THADA: variants seen among roughly 807,000 people sequenced by gnomAD.
THADA encodes THADA armadillo repeat containing.
In THADA, 213 loss-of-function variants were observed where a neutral mutation model predicts 219.8. That is an observed-to-expected ratio of 0.97 (90% confidence interval 0.87 to 1.09). THADA has a LOEUF of 1.09. Ranked by LOEUF, THADA falls within the 50% of genes least tolerant of loss-of-function variation. THADA has a pLI of 0.00. For missense variants in THADA, 2,956 were observed against 2,311.3 expected (o/e 1.28, Z -5.72); for synonymous variants, 1,018 against 828.9 (o/e 1.23, Z -3.92).
chr2:43,333,023 C>T (rs1306032235), intron 30 of THADA: 2 of 152,164 alleles, frequency 1.3e-5, no homozygotes, highest in Admixed American at 1.3e-4. Flanking sequence ...AGACTCGTTT[C>T]CATAAGCTCA....
intron 26 of THADA, among the ~76,000 whole-genome samples, chr2:43,435,513 T>C (rs1166531427): frequency 6.6e-6 from 1 of 151,550 alleles, no homozygotes; most frequent in Non-Finnish European, 1.5e-5. Flanking sequence ...CTGAGCAAGG[T>C]GGCTCATGCC....
chr2:43,240,669 A>C (rs1261269611), intron 36 of THADA, among the ~76,000 whole-genome samples: 1 of 152,104 alleles, frequency 6.6e-6, no homozygotes, highest in East Asian at 1.9e-4. Flanking sequence ...TTTACCACCA[A>C]TTAAAAGCTC....
chr2:43,513,104 C>G (rs1558884692), intron 22 of THADA, among the ~76,000 whole-genome samples: 1 of 152,202 alleles, frequency 6.6e-6, no homozygotes, highest in Non-Finnish European at 1.5e-5. Flanking sequence ...TCCATTTTCT[C>G]ACTTTGCTCT....
At chr2:43,436,977 A>G (rs917583488) in intron 26 of THADA, among the ~76,000 whole-genome samples, 1 of 152,202 alleles carries the variant, frequency 6.6e-6, no homozygotes, top group Admixed American at 6.5e-5. Context: ...TATAGCTCTC[A>G]GATGTCTACG....
chr2:43,270,239 G>A (rs1671970994), intron 36 of THADA, among the ~76,000 whole-genome samples: 1 of 152,040 alleles, frequency 6.6e-6, no homozygotes, highest in Admixed American at 6.5e-5. Flanking sequence ...CCTTTCTTGG[G>A]CTTCAGTTTC....
chr2:43,366,879 G>A (rs1460416993), intron 29 of THADA, among the ~76,000 whole-genome samples: 1 of 152,194 alleles, frequency 6.6e-6, no homozygotes, highest in African/African-American at 2.4e-5. Flanking sequence ...GTACAGCCAT[G>A]TTCAATGTAC....
intron 11 of THADA, 99 bp downstream of exon 11, chr2:43,574,237 A>G (rs1290850565): frequency 1.2e-6 from 1 of 819,654 alleles, no homozygotes; most frequent in East Asian, 2.7e-5. Context: ...CTATTTATAG[A>G]AGTGATATTT....
chr2:43,296,613 G>A (rs1675421031), intron 31 of THADA, among the ~76,000 whole-genome samples: 1 of 152,078 alleles, frequency 6.6e-6, no homozygotes, highest in South Asian at 2.1e-4. Flanking sequence ...GAAACCCTGG[G>A]CAGCTGGGAT....
intron 31 of THADA, among the ~76,000 whole-genome samples, chr2:43,316,048 C>T (rs1678042828): frequency 6.6e-6 from 1 of 152,146 alleles, no homozygotes; most frequent in Non-Finnish European, 1.5e-5. Context: ...TTGCCATGTC[C>T]CTAGTGCTCT....
chr2:43,514,942 TTA>T (rs1258682610), intron 22 of THADA, among the ~76,000 whole-genome samples: 1 of 77,832 alleles, frequency 1.3e-5, no homozygotes, highest in Non-Finnish European at 2.2e-5. Context: ...TACGTATATT[TTA>T]TATATAATAT....
chr2:43,496,743 C>T (rs1244925654), intron 25 of THADA, among the ~76,000 whole-genome samples: 1 of 151,752 alleles, frequency 6.6e-6, no homozygotes. Flanking sequence ...TAAAATGGTG[C>T]TGCTGCTGGG....
intron 7 of THADA, 26 bp from the exon 8 acceptor site, chr2:43,581,954 C>T: frequency 6.8e-7 from 1 of 1,477,716 alleles, no homozygotes; most frequent in Non-Finnish European, 9.0e-7. Flanking sequence ...GACATTATTA[C>T]AAAAGGAAAT....
At chr2:43,372,178 T>G (rs1322884093) in intron 29 of THADA, 8 of 152,142 alleles carry the variant, frequency 5.3e-5, no homozygotes, top group Non-Finnish European at 8.8e-5. Flanking sequence ...TACAACAAAC[T>G]AACTGGGAAA....
intron 28 of THADA, among the ~76,000 whole-genome samples, chr2:43,405,540 C>T (rs769610755): frequency 4.6e-5 from 7 of 152,180 alleles, no homozygotes; most frequent in Non-Finnish European, 8.8e-5. Flanking sequence ...CACCACCACC[C>T]GAACTAGTTG....
At chr2:43,567,562 G>A (rs1318270573) in intron 14 of THADA, among the ~76,000 whole-genome samples, 1 of 152,222 alleles carries the variant, frequency 6.6e-6, no homozygotes, top group Non-Finnish European at 1.5e-5. Flanking sequence ...AGGAGGCAGA[G>A]GTTGCAGTGA....
At position 43,293,271 on chromosome 2, in the gene THADA, G is replaced by T; in HGVS notation, c.4439-58C>A. 4 of 1,533,658 alleles carry T rather than the reference G, an allele frequency of 2.6e-6. No homozygotes were observed. The East Asian group carries it at 6.8e-5, about 26-fold the overall frequency. On this transcript the variant is annotated intron_variant, in intron 31 of 37. Coordinates refer to ENST00000405975, the MANE Select transcript of THADA (RefSeq NM_022065.5). ...TAATCACTTTAAATTTCCACAAAAG[G>T]ACATGAAAGAATGAAGACTGAATCC...
At chr2:43,386,286 C>T (rs1672672291) in intron 29 of THADA, among the ~76,000 whole-genome samples, 1 of 151,692 alleles carries the variant, frequency 6.6e-6, no homozygotes, top group Admixed American at 6.6e-5. Context: ...ATGCTATTGA[C>T]AGTAACAAGA....
chr2:43,545,167 G>A (rs1695858725), intron 20 of THADA, among the ~76,000 whole-genome samples: 1 of 151,866 alleles, frequency 6.6e-6, no homozygotes, highest in Non-Finnish European at 1.5e-5. Flanking sequence ...TTTATATCCT[G>A]GATTACATTT....
At chr2:43,311,450 AT>A (rs541101428) in intron 31 of THADA, among the ~76,000 whole-genome samples, 100 of 152,338 alleles carry the variant, frequency 6.6e-4, no homozygotes, top group Non-Finnish European at 1.3e-3. Flanking sequence ...TTTGGAAACA[AT>A]TTAGCAATTC....
Sources: allele counts gnomAD v4.1 joint callset (sites outside exome capture counted in the v4.1 genomes callset), GRCh38; gene constraint gnomAD v4.1.1; transcripts MANE v1.5; gene names NCBI Gene and HGNC (gene_info 2026-07-23, HGNC 2026-07-21).